TENT4A: variants seen among roughly 807,000 people sequenced by gnomAD.
TENT4A encodes the protein DNA polymerase kappa.
Under a neutral mutation model 72.8 loss-of-function variants are expected in TENT4A, and 7 were observed. That is an observed-to-expected ratio of 0.10 (90% CI 0.05 to 0.18). The LOEUF (loss-of-function observed/expected upper bound fraction) is 0.18. Among genes scored for constraint, TENT4A ranks in the 10% least tolerant of loss-of-function variants. The pLI is 1.00. For missense variants in TENT4A, 831 were observed against 1,017.7 expected, an observed-to-expected ratio of 0.82 and a Z score of 2.50; for synonymous variants, 456 against 434.3, an observed-to-expected ratio of 1.05 and a Z score of -0.62.
In TENT4A at chr5:6,736,040, C is replaced by T. The variant is rs200793917; in HGVS notation, c.717-1470C>T. Among the ~76,000 whole-genome samples, 15 of 152,280 alleles carry T rather than the reference C, an allele frequency of 9.9e-5. No homozygotes were observed. The East Asian group carries it at 1.7e-3, about 18-fold the overall frequency. The stretch of plus-strand genomic sequence containing the variant: ...CCTCCCAAAGTGCTGGGATTACAGG[C>T]GTGAGCCACCGCATCTGGCCACATA... On this transcript the variant is annotated intron_variant, in intron 1 of 12. Coordinates refer to ENST00000230859, the MANE Select transcript of TENT4A (RefSeq NM_006999.6).
chr5:6,751,432 G>A (rs1487801242), intron 11 of TENT4A: 3 of 246,448 alleles, frequency 1.2e-5, no homozygotes, highest in Non-Finnish European at 2.3e-5. Context: ...GGCTTTTCAC[G>A]GGGGCCAGGT....
intron 10 of TENT4A, 186 bp from the exon 11 acceptor site, chr5:6,750,853 C>A: frequency 1.7e-6 from 1 of 601,020 alleles, no homozygotes; most frequent in Non-Finnish European, 2.9e-6. Context: ...CATTCTTTTT[C>A]AGTTGTGATG....
chr5:6,748,541 C>G lies in TENT4A; in HGVS notation c.1537C>G (p.His513Asp), dbSNP rs1391845225. Reference sequence around the variant, plus strand: ...CGATTATGCCTACATAGTGCTCAGCCATGCTGTGTCACCGCTGGCCAGGTC... The same window carrying G: ...CGATTATGCCTACATAGTGCTCAGCGATGCTGTGTCACCGCTGGCCAGGTC... ...VFDYAYIVLS[H>D]AVSPLARSYP... is the part of the protein sequence containing the mutation. Residue 513 changes from histidine (H) to aspartate (D), a missense_variant, in exon 8 of 13, where the codon CAT becomes GAT. By Grantham distance (81) the His-to-Asp change is moderately conservative. This residue lies in a region of TENT4A where 197 missense variants were observed against 399.6 expected (regional missense o/e 0.49). Coordinates refer to ENST00000230859, the MANE Select transcript of TENT4A (RefSeq NM_006999.6). 1.2e-6 allele frequency: 2 copies of G among 1,613,954 alleles called. No individual in the cohort carries two copies. Among genetic ancestry groups the G allele is most frequent in the Non-Finnish European group, 1.7e-6 (2 of 1,179,958 alleles).
chr5:6,755,469 A>C lies in TENT4A; in HGVS notation c.*524A>C, dbSNP rs1035503591. 1 of 152,816 alleles carries C rather than the reference A, an allele frequency of 6.5e-6. No homozygotes were observed. Among genetic ancestry groups the C allele is most frequent in the East Asian group, 1.9e-4 (1 of 5,190 alleles). The allele number at this position is 152,816 out of a possible 1,614,324, so 9.5% of individuals were successfully genotyped here. A position where few individuals can be genotyped will look rare whatever the true frequency, so the allele number is the denominator to read the frequency against. ...GCAATAACTCAGATATTTTTTATTT[A>C]ATTTCCTATTTTCACATAAGTTATA... On this transcript the variant is annotated 3_prime_UTR_variant, in exon 13 of 13. Coordinates refer to ENST00000230859, the MANE Select transcript of TENT4A (RefSeq NM_006999.6).
At chr5:6,740,129 G>T (rs1741720038) in intron 4 of TENT4A, among the ~76,000 whole-genome samples, 1 of 152,148 alleles carries the variant, frequency 6.6e-6, no homozygotes, top group Non-Finnish European at 1.5e-5. Flanking sequence ...GTGTCTACTT[G>T]TGTTAGGATG....
intron 1 of TENT4A, among the ~76,000 whole-genome samples, chr5:6,716,100 C>T (rs1315915850): frequency 2.6e-5 from 4 of 152,160 alleles, no homozygotes; most frequent in African/African-American, 9.7e-5. Flanking sequence ...TTGGGTTGTA[C>T]CTCTGCTCTT....
chr5:6,715,282 G>A (rs968094489), intron 1 of TENT4A, among the ~76,000 whole-genome samples: 1 of 152,184 alleles, frequency 6.6e-6, no homozygotes, highest in African/African-American at 2.4e-5. Context: ...GAAAAAACCA[G>A]ATTTGTCATA....
At chr5:6,724,777 C>T (rs1407743223) in intron 1 of TENT4A, among the ~76,000 whole-genome samples, 4 of 152,208 alleles carry the variant, frequency 2.6e-5, no homozygotes, top group African/African-American at 9.7e-5. Flanking sequence ...CCTCTGCTGC[C>T]ATCAGGTGAG....
In TENT4A at chr5:6,714,565, C is replaced by T. The variant is rs1365083324; in HGVS notation, c.582C>T (p.Ala194=). 1.5e-5 allele frequency: 18 copies of T among 1,198,578 alleles called. No individual in the cohort carries two copies. The highest frequency in any genetic ancestry group is 1.9e-5 in the Non-Finnish European group (18 of 966,534). 74.2% of individuals were successfully genotyped at this position (1,198,578 alleles called of 1,614,324 possible). Residue 194 remains alanine (A), a synonymous_variant, in exon 1 of 13, where the codon GCC becomes GCT. Coordinates refer to ENST00000230859, the MANE Select transcript of TENT4A (RefSeq NM_006999.6). The part of the protein sequence containing the change: ...HPGRRKRENK[A]STYGLNYLLS... ...GTCGCCGGAAACGCGAGAACAAGGC[C>T]AGCACCTACGGCCTCAACTACCTGC...
chr5:6,738,171 G>A (rs1367904631), intron 2 of TENT4A, among the ~76,000 whole-genome samples: 6 of 152,128 alleles, frequency 3.9e-5, no homozygotes, highest in Non-Finnish European at 7.3e-5. Flanking sequence ...GCCTGCCCCT[G>A]GCCGGCTCTA....
rs1742694894 is a variant in TENT4A, at chr5:6,756,266, G to A, written c.*1321G>A. On this transcript the variant is annotated 3_prime_UTR_variant, in exon 13 of 13. Coordinates refer to ENST00000230859, the MANE Select transcript of TENT4A (RefSeq NM_006999.6). ...TTTTGAACAAGAATATATCCATCCTGCCTAACCCTGAGTTTTTGGAGCACC... is the reference window on the plus strand; with the variant it reads ...TTTTGAACAAGAATATATCCATCCTACCTAACCCTGAGTTTTTGGAGCACC... 1 of 152,520 alleles carries A rather than the reference G, an allele frequency of 6.6e-6. No homozygotes were observed. Among genetic ancestry groups the A allele is most frequent in the African/African-American group, 2.4e-5 (1 of 41,398 alleles). 9.4% of individuals were successfully genotyped at this position (152,520 alleles called of 1,614,324 possible). A position where few individuals can be genotyped will look rare whatever the true frequency, so the allele number is the denominator to read the frequency against.
chr5:6,748,989 G>C (rs1234776663), intron 8 of TENT4A, among the ~76,000 whole-genome samples: 1 of 152,214 alleles, frequency 6.6e-6, no homozygotes, highest in Non-Finnish European at 1.5e-5. Context: ...TAGTGGAAAG[G>C]GTGGTATTTG....
Position 6,754,857 on chromosome 5 carries a change from G to T in TENT4A, c.2291G>T (p.Arg764Met). The T allele has an allele frequency of 1.2e-6, 2 of 1,610,368 alleles. No homozygotes were observed. The highest frequency in any genetic ancestry group is 1.7e-6 in the Non-Finnish European group (2 of 1,177,472). Residue 764 changes from arginine (R) to methionine (M), a missense_variant, in exon 13 of 13, where the codon AGG becomes ATG. Arg to Met is a moderately conservative substitution (Grantham distance 91). This residue lies in a region of TENT4A where 332 missense variants were observed against 324.3 expected (regional missense o/e 1.02). Transcript: ENST00000230859. The part of the protein sequence containing the change: ...SGGVRPPVGN[R>M]GHHQYNRTGW... ...GGTGTGCGGCCCCCTGTGGGCAACA[G>T]GGGACACCACCAGTATAACCGCACC... is the stretch of plus-strand genomic sequence containing the variant.
Position 6,738,797 on chromosome 5 carries a change from T to A in TENT4A, c.887+68T>A, listed in dbSNP as rs373562494. 38 of 1,110,110 alleles carry A rather than the reference T, an allele frequency of 3.4e-5. No individual in the cohort carries two copies. In the African/African-American group the frequency reaches 4.0e-4, roughly 12 times the overall value. 68.8% of individuals were successfully genotyped at this position (1,110,110 alleles called of 1,614,324 possible). A position where few individuals can be genotyped will look rare whatever the true frequency, so the allele number is the denominator to read the frequency against. Reference sequence around the variant, plus strand: ...ATGGTGTCTATGCAATATTAAGGGCTACAAATAGATTCTTTGTAATTGAGT... The same window carrying A: ...ATGGTGTCTATGCAATATTAAGGGCAACAAATAGATTCTTTGTAATTGAGT... On this transcript the variant is annotated intron_variant, in intron 3 of 12. Transcript: ENST00000230859.
In TENT4A at chr5:6,754,973, A is replaced by G; in HGVS notation, c.*28A>G. On this transcript the variant is annotated 3_prime_UTR_variant, in exon 13 of 13. Coordinates refer to ENST00000230859, the MANE Select transcript of TENT4A (RefSeq NM_006999.6). ...GCTCCTGGCTGCGTCAGCCTCCCCC[A>G]CCCCTCTGCAGACTGCCCCGCGGCC... 1 of 1,534,622 alleles carries G rather than the reference A, an allele frequency of 6.5e-7. No homozygotes were observed. Among genetic ancestry groups the G allele is most frequent in the Non-Finnish European group, 8.8e-7 (1 of 1,131,278 alleles).
chr5:6,737,906 TG>T (rs951146422), intron 2 of TENT4A, among the ~76,000 whole-genome samples: 1 of 129,554 alleles, frequency 7.7e-6, no homozygotes, highest in Non-Finnish European at 1.7e-5. Flanking sequence ...AGGGATTTGT[TG>T]GGTTTTTTTT....
At chr5:6,747,476 G>A (rs1178382850) in intron 7 of TENT4A, among the ~76,000 whole-genome samples, 1 of 152,132 alleles carries the variant, frequency 6.6e-6, no homozygotes, top group African/African-American at 2.4e-5. Flanking sequence ...CTTCTGGGAT[G>A]TGAGCTTTAT....
At chr5:6,748,439 G>A in intron 7 of TENT4A, 25 bp from the exon 8 acceptor site, 1 of 1,613,090 alleles carries the variant, frequency 6.2e-7, no homozygotes, top group Non-Finnish European at 8.5e-7. Context: ...TGTGGGGAGG[G>A]TCTGACATAG....
chr5:6,754,315 T>C (rs1200694015), intron 12 of TENT4A, among the ~76,000 whole-genome samples: 1 of 152,166 alleles, frequency 6.6e-6, no homozygotes. Flanking sequence ...ATTACAGGTG[T>C]GTGCCACCAC....
Sources: allele counts gnomAD v4.1 joint callset (sites outside exome capture counted in the v4.1 genomes callset), GRCh38; gene constraint gnomAD v4.1.1; regional missense constraint gnomAD v4.1.1; transcripts MANE v1.5; gene names NCBI Gene and HGNC (gene_info 2026-07-23, HGNC 2026-07-21).